The following ASTN2 variants were observed in gnomAD, a reference collection of about 807,000 sequenced individuals.
ASTN2 encodes astrotactin-2.
In ASTN2, 54 loss-of-function variants were observed where a neutral mutation model predicts 139.8. That is an observed-to-expected ratio of 0.39 (90% CI 0.31 to 0.48). The LOEUF (loss-of-function observed/expected upper bound fraction) is 0.48. Among genes scored for constraint, ASTN2 ranks in the 20% least tolerant of loss-of-function variants. The pLI, the probability that ASTN2 is intolerant of heterozygous loss-of-function variation, is 0.95. For missense variants in ASTN2, 1,565 were observed against 1,725.1 expected, an observed-to-expected ratio of 0.91 and a Z score of 1.64; for synonymous variants, 756 against 719.5, an observed-to-expected ratio of 1.05 and a Z score of -0.81.
chr9:116,942,153 G>T (rs952435253), intron 10 of ASTN2, among the ~76,000 whole-genome samples: 1 of 151,672 alleles, frequency 6.6e-6, no homozygotes, highest in Non-Finnish European at 1.5e-5. Flanking sequence ...CTTCTCTGAG[G>T]TCTCTCCTCT....
At chr9:116,649,566 C>G (rs953874807) in intron 17 of ASTN2, among the ~76,000 whole-genome samples, 2 of 90,654 alleles carry the variant, frequency 2.2e-5, no homozygotes, top group Non-Finnish European at 4.5e-5. Flanking sequence ...AAGAACAAAA[C>G]TGTCTCAAAA....
chr9:116,870,486 A>G (rs150996036), intron 10 of ASTN2, among the ~76,000 whole-genome samples: 124 of 152,296 alleles, frequency 8.1e-4, no homozygotes, highest in Non-Finnish European at 1.5e-3. Flanking sequence ...GATTATTATT[A>G]TGGCTTTTCT....
At chr9:117,341,648 GA>G (rs1369458438) in intron 1 of ASTN2, among the ~76,000 whole-genome samples, 1 of 152,062 alleles carries the variant, frequency 6.6e-6, no homozygotes, top group Non-Finnish European at 1.5e-5. Flanking sequence ...AGCAGAGAGA[GA>G]AAAGCATGAA....
intron 19 of ASTN2, among the ~76,000 whole-genome samples, chr9:116,490,570 G>A (rs1169116795): frequency 1.3e-5 from 2 of 152,150 alleles, no homozygotes; most frequent in Admixed American, 1.3e-4. Context: ...ATAAAGAAAA[G>A]GGATTTAATT....
intron 7 of ASTN2, among the ~76,000 whole-genome samples, chr9:116,993,985 T>C (rs1237613282): frequency 6.6e-6 from 1 of 151,670 alleles, no homozygotes; most frequent in Admixed American, 6.6e-5. Context: ...GTTTTCTTTC[T>C]TCTGTCAGAG....
rs115261208 is a variant in ASTN2, at chr9:116,595,075, C to T, written c.3355+23249G>A. Among the ~76,000 whole-genome samples, 733 of 152,348 alleles carry T rather than the reference C, an allele frequency of 4.8e-3. 6 individuals carry two copies. Among genetic ancestry groups the T allele is most frequent in the African/African-American group, 0.017 (711 of 41,592 alleles). The stretch of plus-strand genomic sequence containing the variant: ...ATTAGGTTCAAGTTCAAACTTAATA[C>T]TTCTATGCCCTTAAGTAAGTGACTA... On this transcript the variant is annotated intron_variant, in intron 19 of 22. Transcript: ENST00000313400.
chr9:117,212,611 T>TA (rs1832174303), intron 3 of ASTN2, among the ~76,000 whole-genome samples: 1 of 151,386 alleles, frequency 6.6e-6, no homozygotes, highest in South Asian at 2.1e-4. Context: ...TCCAATCTAA[T>TA]AAAAAAGTGG....
chr9:117,011,338 C>A (rs1283291097), intron 6 of ASTN2, among the ~76,000 whole-genome samples: 1 of 152,066 alleles, frequency 6.6e-6, no homozygotes, highest in Non-Finnish European at 1.5e-5. Context: ...TGGGTGGAGC[C>A]CCTAAATGGG....
intron 17 of ASTN2, among the ~76,000 whole-genome samples, chr9:116,646,368 G>A (rs1001967285): frequency 6.6e-6 from 1 of 152,156 alleles, no homozygotes; most frequent in Non-Finnish European, 1.5e-5. Flanking sequence ...TCAACTATAG[G>A]TCAGGGCTCT....
intron 17 of ASTN2, among the ~76,000 whole-genome samples, chr9:116,621,313 G>T (rs1335095731): frequency 6.6e-6 from 1 of 152,086 alleles, no homozygotes; most frequent in East Asian, 1.9e-4. Flanking sequence ...CAAGTAGCAG[G>T]CTAGATTAGG....
intron 20 of ASTN2, among the ~76,000 whole-genome samples, chr9:116,450,981 T>C (rs1009496623): frequency 9.9e-5 from 15 of 152,138 alleles, no homozygotes; most frequent in African/African-American, 3.6e-4. Flanking sequence ...GTAAAGCAGT[T>C]TGTGGTTGGG....
intron 10 of ASTN2, among the ~76,000 whole-genome samples, chr9:116,930,189 C>G (rs1288284255): frequency 6.6e-6 from 1 of 152,134 alleles, no homozygotes; most frequent in African/African-American, 2.4e-5. Context: ...TGGGATGGAC[C>G]ACTTTGTTGT....
chr9:116,751,789 T>A (rs1418784573), intron 13 of ASTN2, among the ~76,000 whole-genome samples: 3 of 152,200 alleles, frequency 2.0e-5, no homozygotes, highest in Middle Eastern at 3.4e-3. Context: ...AATACTTGGG[T>A]ATAAATCTAA....
intron 10 of ASTN2, among the ~76,000 whole-genome samples, chr9:116,902,064 A>G (rs1334982804): frequency 6.6e-6 from 1 of 152,170 alleles, no homozygotes; most frequent in Non-Finnish European, 1.5e-5. Flanking sequence ...ATAATATAAA[A>G]TGAAATAAAA....
intron 16 of ASTN2, among the ~76,000 whole-genome samples, chr9:116,709,968 G>A (rs1258958389): frequency 2.0e-5 from 3 of 152,096 alleles, no homozygotes; most frequent in Non-Finnish European, 2.9e-5. Context: ...CAAATATCAG[G>A]GATGAATCGT....
At chr9:117,037,178 A>G (rs1419894113) in intron 6 of ASTN2, among the ~76,000 whole-genome samples, 1 of 152,064 alleles carries the variant, frequency 6.6e-6, no homozygotes, top group Non-Finnish European at 1.5e-5. Context: ...CAGAGATTCC[A>G]GTCTAGAGGC....
At chr9:116,875,986 C>A (rs1409194031) in intron 10 of ASTN2, among the ~76,000 whole-genome samples, 1 of 152,150 alleles carries the variant, frequency 6.6e-6, no homozygotes, top group Non-Finnish European at 1.5e-5. Context: ...GAAGTAATTT[C>A]AAGTCTTATT....
chr9:116,746,394 C>T (rs909542572), intron 13 of ASTN2, among the ~76,000 whole-genome samples: 1 of 152,018 alleles, frequency 6.6e-6, no homozygotes, highest in Non-Finnish European at 1.5e-5. Context: ...CCAATTGAGT[C>T]CTTTTCACAT....
intron 1 of ASTN2, among the ~76,000 whole-genome samples, chr9:117,378,120 A>T (rs1830173069): frequency 6.6e-6 from 1 of 152,230 alleles, no homozygotes; most frequent in South Asian, 2.1e-4. Flanking sequence ...AAATTAAACA[A>T]TGAAATTCAT....
Sources: gnomAD v4.1 joint callset for allele counts (sites outside exome capture counted in the v4.1 genomes callset) on GRCh38, gnomAD v4.1.1 for gene constraint, MANE v1.5 for transcripts, NCBI Gene and HGNC (gene_info 2026-07-23, HGNC 2026-07-21) for gene names.